RUFY2: variants seen among roughly 807,000 people sequenced by gnomAD.
RUFY2 encodes the protein RUN and FYVE domain containing 2.
Under a neutral mutation model 94.4 loss-of-function variants are expected in RUFY2, and 49 were observed. That is an observed-to-expected ratio of 0.52 (90% CI 0.41 to 0.66). RUFY2 has a LOEUF of 0.66. Ranked by LOEUF, RUFY2 falls within the 30% of genes least tolerant of loss-of-function variation. RUFY2 has a pLI of 0.00. For synonymous variants in RUFY2, 255 were observed against 235.7 expected (o/e 1.08, Z -0.75); for missense variants, 541 against 692.8 (o/e 0.78, Z 2.46).
chr10:68,358,768 G>A (rs577463159), intron 15 of RUFY2, among the ~76,000 whole-genome samples: 4 of 152,036 alleles, frequency 2.6e-5, no homozygotes, highest in South Asian at 2.1e-4. Context: ...AAAATTAGCC[G>A]GGAGTGATGG....
intron 2 of RUFY2, among the ~76,000 whole-genome samples, chr10:68,402,651 A>C (rs907332609): frequency 6.6e-6 from 1 of 151,056 alleles, no homozygotes; most frequent in African/African-American, 2.4e-5. Context: ...TGCACTCCTG[A>C]TTTTTTCTGA....
intron 12 of RUFY2, chr10:68,378,735 A>C: frequency 8.4e-7 from 1 of 1,192,970 alleles, no homozygotes; most frequent in African/African-American, 1.5e-5. Context: ...AAAATGTAAA[A>C]ATGGGGATAA....
rs753829386 is a variant in RUFY2, at chr10:68,407,152, G to A, written c.4+34C>T. On this transcript the variant is annotated intron_variant, in intron 1 of 17. Transcript: ENST00000602465. ...CCGCGGCCCTCAGCCCGGGACTGAG[G>A]GCCTAGCGTTCGGTTTCGGCCCGCT... 6 of 1,496,838 alleles carry A rather than the reference G, an allele frequency of 4.0e-6. No homozygotes were observed. The South Asian group carries it at 5.0e-5, about 12-fold the overall frequency. The allele number at this position is 1,496,838 out of a possible 1,614,324, so 92.7% of individuals were successfully genotyped here.
intron 7 of RUFY2, among the ~76,000 whole-genome samples, chr10:68,387,457 C>T (rs1239851029): frequency 6.6e-6 from 1 of 152,042 alleles, no homozygotes; most frequent in Admixed American, 6.6e-5. Context: ...TCAGCAAAAT[C>T]AACAATAGAT....
At chr10:68,404,494 A>T (rs1213881880) in intron 2 of RUFY2, among the ~76,000 whole-genome samples, 177 bp downstream of exon 2, 1 of 152,234 alleles carries the variant, frequency 6.6e-6, no homozygotes, top group Non-Finnish European at 1.5e-5. Context: ...TCTGAAGACC[A>T]TTTATTATTC....
Position 68,381,214 on chromosome 10 carries a change from T to C in RUFY2, c.1107+18A>G. Reference sequence around the variant, plus strand: ...CACTTTCAATTTACATAAAATGAAATTTAAGAACAATCCTTACCTGCAACT... The same window carrying C: ...CACTTTCAATTTACATAAAATGAAACTTAAGAACAATCCTTACCTGCAACT... On this transcript the variant is annotated intron_variant, in intron 11 of 17. Transcript: ENST00000602465. 1 of 1,554,790 alleles carries C rather than the reference T, an allele frequency of 6.4e-7. No individual in the cohort carries two copies. The highest frequency in any genetic ancestry group is 8.7e-7 in the Non-Finnish European group (1 of 1,148,802).
intron 16 of RUFY2, among the ~76,000 whole-genome samples, chr10:68,354,556 A>G (rs962163598): frequency 3.3e-5 from 5 of 152,174 alleles, no homozygotes; most frequent in Admixed American, 3.3e-4. Context: ...CCTTTCTTCT[A>G]TGTTGTAGCA....
chr10:68,385,873 G>A (rs2049458996), intron 8 of RUFY2, among the ~76,000 whole-genome samples, 186 bp downstream of exon 8: 1 of 152,088 alleles, frequency 6.6e-6, no homozygotes, highest in Non-Finnish European at 1.5e-5. Context: ...TATAACTGAG[G>A]ATTTGCCTAA....
chr10:68,375,323 TG>T (rs146420257), intron 13 of RUFY2, among the ~76,000 whole-genome samples: 1 of 67,248 alleles, frequency 1.5e-5, no homozygotes. Context: ...GGGGGGAGGA[TG>T]GGGGGAGGGA....
At position 68,402,007 on chromosome 10, in the gene RUFY2, G is replaced by A. The variant is rs566168476; in HGVS notation, c.179-270C>T. ...AAGGTAATTAAAGTGAAAAATGACT[G>A]CACTCATTCTCTACCAATACCAAAA... On this transcript the variant is annotated intron_variant, in intron 2 of 17. Transcript: ENST00000602465. 2.0e-5 allele frequency among the ~76,000 whole-genome samples: 3 copies of A among 152,172 alleles called. No individual in the cohort carries two copies. The South Asian group carries it at 6.2e-4, about 32-fold the overall frequency.
At chr10:68,368,051 C>T (rs952455961) in intron 13 of RUFY2, among the ~76,000 whole-genome samples, 1 of 151,618 alleles carries the variant, frequency 6.6e-6, no homozygotes, top group Non-Finnish European at 1.5e-5. Context: ...CTGCAACCTC[C>T]GCCTCCCGGG....
chr10:68,363,785 T>A (rs1307207946), intron 14 of RUFY2, 101 bp from the exon 15 acceptor site: 1 of 900,396 alleles, frequency 1.1e-6, no homozygotes, highest in Non-Finnish European at 1.6e-6. Flanking sequence ...TCCTTTAGCT[T>A]TTTAAAAGAA....
chr10:68,370,368 G>C (rs1210798816), intron 13 of RUFY2, among the ~76,000 whole-genome samples: 3 of 151,216 alleles, frequency 2.0e-5, no homozygotes, highest in African/African-American at 7.3e-5. Flanking sequence ...AAGTGTCTCT[G>C]AAGCAACCCC....
chr10:68,369,078 G>GT (rs1223605878), intron 13 of RUFY2, among the ~76,000 whole-genome samples: 6 of 152,200 alleles, frequency 3.9e-5, no homozygotes, highest in African/African-American at 1.4e-4. Context: ...AAAATGCCAA[G>GT]TGGGAGCCTG....
chr10:68,394,490 T>C (rs1408368095), intron 4 of RUFY2, 39 bp from the exon 5 acceptor site: 17 of 1,475,008 alleles, frequency 1.2e-5, no homozygotes, highest in Non-Finnish European at 1.4e-5. Context: ...AAATCACAAA[T>C]TTATTTCAAA....
At position 68,383,888 on chromosome 10, in the gene RUFY2, C is replaced by T. The variant is rs757953394; in HGVS notation, c.849G>A (p.Glu283=). The part of the protein sequence containing the change: ...LEVTKVDVET[E]LQTYKHSRQG... ...GACGAGAATGCTTATATGTTTGAAG[C>T]TCAGTTTCCACATCTACTTTGGTAA... The change falls in exon 10 of 18, where the codon GAG becomes GAA. Residue 283 remains glutamate (E), a synonymous_variant. Transcript: ENST00000602465. 5 of 1,613,706 alleles carry T rather than the reference C, an allele frequency of 3.1e-6. No homozygotes were observed. In the East Asian group the frequency reaches 1.1e-4, roughly 36 times the overall value.
intron 15 of RUFY2, among the ~76,000 whole-genome samples, chr10:68,359,295 T>C (rs2047266611): frequency 6.8e-6 from 1 of 146,642 alleles, no homozygotes; most frequent in Non-Finnish European, 1.5e-5. Context: ...GGAGATTTTG[T>C]ATATATACAT....
intron 1 of RUFY2, chr10:68,405,681 C>T: frequency 5.1e-6 from 5 of 982,650 alleles, no homozygotes; most frequent in Non-Finnish European, 4.8e-6. Flanking sequence ...CAAGGGGACA[C>T]AGAAGAAGCC....
intron 12 of RUFY2, chr10:68,378,059 T>C: frequency 1.0e-6 from 1 of 985,378 alleles, no homozygotes; most frequent in African/African-American, 1.7e-5. Context: ...GGCCTTGAAG[T>C]TGTGCTATCA....
Sources: gnomAD v4.1 joint callset for allele counts (sites outside exome capture counted in the v4.1 genomes callset) on GRCh38, gnomAD v4.1.1 for gene constraint, MANE v1.5 for transcripts, NCBI Gene and HGNC (gene_info 2026-07-23, HGNC 2026-07-21) for gene names.